DNM3: variants seen among roughly 807,000 people sequenced by gnomAD.
DNM3 encodes the protein dynamin 3.
DNM3 carries 47 observed loss-of-function variants against 101.6 expected under a neutral mutation model. That is an observed-to-expected ratio of 0.46 (90% confidence interval 0.37 to 0.59). The LOEUF (loss-of-function observed/expected upper bound fraction) is 0.59. Ranked by LOEUF, DNM3 falls within the 20% of genes least tolerant of loss-of-function variation. DNM3 has a pLI of 0.00. For synonymous variants in DNM3, 385 were observed against 387.9 expected (o/e 0.99, Z 0.09); for missense variants, 849 against 1,085.7 (o/e 0.78, Z 3.06).
intron 16 of DNM3, among the ~76,000 whole-genome samples, chr1:172,318,293 A>G (rs1302768996): frequency 1.3e-5 from 2 of 151,782 alleles, no homozygotes; most frequent in African/African-American, 2.4e-5. Context: ...CTGAATGGGC[A>G]AAAACTGGAA....
At chr1:172,165,977 T>C (rs2058729138) in intron 14 of DNM3, among the ~76,000 whole-genome samples, 1 of 152,036 alleles carries the variant, frequency 6.6e-6, no homozygotes, top group Non-Finnish European at 1.5e-5. Flanking sequence ...ATAAAAAGAT[T>C]TCTTAAGGAA....
At chr1:172,296,913 C>T (rs556384296) in intron 15 of DNM3, among the ~76,000 whole-genome samples, 60 of 152,248 alleles carry the variant, frequency 3.9e-4, no homozygotes, top group Admixed American at 1.4e-3. Flanking sequence ...GAGGCCAAGG[C>T]GGACTGATCA....
chr1:171,980,612 C>G, intron 2 of DNM3, among the ~76,000 whole-genome samples: 1 of 152,060 alleles, frequency 6.6e-6, no homozygotes, highest in East Asian at 1.9e-4. Context: ...CCTTTGCCTC[C>G]CAACACTTCT....
chr1:172,299,552 G>A (rs1231456946), intron 15 of DNM3, among the ~76,000 whole-genome samples: 2 of 151,994 alleles, frequency 1.3e-5, no homozygotes, highest in African/African-American at 4.8e-5. Flanking sequence ...TCCCCATCTA[G>A]TAATCCCCAG....
intron 15 of DNM3, among the ~76,000 whole-genome samples, chr1:172,255,220 G>A (rs950720579): frequency 2.6e-5 from 4 of 152,080 alleles, no homozygotes; most frequent in African/African-American, 4.8e-5. Flanking sequence ...TATTATTTGA[G>A]AGCAGCTTAT....
chr1:172,167,020 T>G (rs1047201410), intron 14 of DNM3, among the ~76,000 whole-genome samples: 1 of 151,990 alleles, frequency 6.6e-6, no homozygotes, highest in African/African-American at 2.4e-5. Context: ...GCTGCACCCA[T>G]TAACTCGTCA....
At chr1:172,054,430 C>T (rs4916416) in intron 10 of DNM3, among the ~76,000 whole-genome samples, 114,925 of 152,144 alleles carry the variant, frequency 0.76, 43,803 homozygotes, top group East Asian at 0.86. Flanking sequence ...CAGCTGCTTT[C>T]CTTTACCTCC....
At chr1:172,024,653 A>T (rs1222761865) in intron 4 of DNM3, among the ~76,000 whole-genome samples, 16 of 152,234 alleles carry the variant, frequency 1.1e-4, no homozygotes, top group Admixed American at 9.8e-4. Flanking sequence ...CATGGAGGGC[A>T]AGCCAAAGCA....
At chr1:171,986,253 T>G (rs2045247508) in intron 2 of DNM3, among the ~76,000 whole-genome samples, 1 of 152,094 alleles carries the variant, frequency 6.6e-6, no homozygotes, top group South Asian at 2.1e-4. Flanking sequence ...CTTTTCTATC[T>G]CTACCTTTCT....
intron 1 of DNM3, among the ~76,000 whole-genome samples, chr1:171,858,200 GTGAGGA>G (rs1215598848): frequency 1.3e-5 from 2 of 152,178 alleles, no homozygotes; most frequent in Admixed American, 6.5e-5. Context: ...GGTACTGAGA[GTGAGGA>G]TCATGTGTTT....
At chr1:172,250,946 A>G (rs887018759) in intron 14 of DNM3, among the ~76,000 whole-genome samples, 2 of 152,212 alleles carry the variant, frequency 1.3e-5, no homozygotes, top group Non-Finnish European at 2.9e-5. Flanking sequence ...ATTATGTTTA[A>G]TAATGCTTTG....
intron 9 of DNM3, among the ~76,000 whole-genome samples, 182 bp downstream of exon 9, chr1:172,044,634 T>G (rs981495486): frequency 6.6e-6 from 1 of 152,158 alleles, no homozygotes; most frequent in African/African-American, 2.4e-5. Flanking sequence ...GTAGTCAGTT[T>G]TTTCCAAGTG....
intron 2 of DNM3, among the ~76,000 whole-genome samples, chr1:171,936,240 G>T (rs149412258): frequency 7.2e-5 from 11 of 152,136 alleles, no homozygotes; most frequent in Middle Eastern, 3.4e-3. Context: ...AGCTACTTGG[G>T]AGGCTGAGGC....
chr1:172,345,006 TA>T (rs2066865080), intron 17 of DNM3, among the ~76,000 whole-genome samples: 1 of 152,236 alleles, frequency 6.6e-6, no homozygotes, highest in South Asian at 2.1e-4. Flanking sequence ...TATAGCCTTA[TA>T]AAAGTTTTAT....
At chr1:172,017,048 C>T (rs1396065299) in intron 4 of DNM3, among the ~76,000 whole-genome samples, 3 of 152,072 alleles carry the variant, frequency 2.0e-5, no homozygotes, top group Non-Finnish European at 4.4e-5. Flanking sequence ...ATAATATTCT[C>T]TTATTATTCT....
intron 20 of DNM3, among the ~76,000 whole-genome samples, chr1:172,396,637 T>C (rs1047788055): frequency 1.3e-5 from 2 of 152,210 alleles, no homozygotes; most frequent in Admixed American, 6.5e-5. Flanking sequence ...GAAGGCATTA[T>C]GCTGCTTTAA....
chr1:172,131,402 T>C, intron 14 of DNM3, 114 bp downstream of exon 14: 1 of 847,096 alleles, frequency 1.2e-6, no homozygotes, highest in Non-Finnish European at 1.9e-6. Flanking sequence ...TCAGTGAGAT[T>C]AAGCTTGGAA....
chr1:172,231,002 A>G (rs484827), intron 14 of DNM3, among the ~76,000 whole-genome samples: 1,605 of 151,470 alleles, frequency 0.011, 17 homozygotes, highest in African/African-American at 0.037. Flanking sequence ...CTCTAGCTGA[A>G]CTCATCTAGG....
chr1:172,364,787 A>C (rs1317865467), intron 17 of DNM3, among the ~76,000 whole-genome samples: 1 of 151,856 alleles, frequency 6.6e-6, no homozygotes, highest in Non-Finnish European at 1.5e-5. Flanking sequence ...ACAGTGAGTG[A>C]GTTCTTATAA....
Sources: gnomAD v4.1 joint callset for allele counts (sites outside exome capture counted in the v4.1 genomes callset) on GRCh38, gnomAD v4.1.1 for gene constraint, MANE v1.5 for transcripts, NCBI Gene and HGNC (gene_info 2026-07-23, HGNC 2026-07-21) for gene names.